The following CR2 variants were observed in gnomAD, a reference collection of about 807,000 sequenced individuals.
The protein encoded by CR2 is complement receptor type 2.
A neutral mutation model predicts 123.0 loss-of-function variants in CR2; 96 were observed. The ratio of observed to expected loss-of-function variants is 0.78; its 90% CI spans 0.66 to 0.93. CR2 has a LOEUF of 0.93. Ranked by LOEUF, CR2 falls within the 40% of genes least tolerant of loss-of-function variation. CR2 has a pLI of 0.00. For missense variants in CR2, 1,258 were observed against 1,361.0 expected (o/e 0.92, Z 1.19); for synonymous variants, 484 against 469.5 (o/e 1.03, Z -0.40).
chr1:207,480,158 A>G, intron 18 of CR2, 105 bp downstream of exon 18: 1 of 832,602 alleles, frequency 1.2e-6, no homozygotes, highest in Non-Finnish European at 2.1e-6. Flanking sequence ...TAAATACTGC[A>G]ATGTGATAAC....
chr1:207,474,353 T>C (rs750526427), intron 13 of CR2, 30 bp downstream of exon 13: 1 of 1,496,586 alleles, frequency 6.7e-7, no homozygotes, highest in Non-Finnish European at 9.3e-7. Flanking sequence ...AGCCTGACAA[T>C]GGTAATGGAG....
At position 207,473,030 on chromosome 1, in the gene CR2, G is replaced by A; in HGVS notation, c.1829G>A (p.Gly610Glu). ...VQCSHVHIAN[G>E]YKISGKEAPY... is the part of the protein sequence containing the mutation. Reference sequence around the variant, plus strand: ...TGCTCACATGTCCATATTGCAAATGGATACAAGATATCTGGCAAGGAAGCC... The same window carrying A: ...TGCTCACATGTCCATATTGCAAATGAATACAAGATATCTGGCAAGGAAGCC... Residue 610 changes from glycine (G) to glutamate (E), a missense_variant, in exon 10 of 20, where the codon GGA becomes GAA. Coordinates refer to ENST00000367057, the MANE Select transcript of CR2 (RefSeq NM_001006658.3). 1 of 1,613,968 alleles carries A rather than the reference G, an allele frequency of 6.2e-7. No individual in the cohort carries two copies. The highest frequency in any genetic ancestry group is 1.1e-5 in the South Asian group (1 of 91,084).
At chr1:207,474,793 T>A in intron 13 of CR2, 31 bp from the exon 14 acceptor site, 1 of 1,613,010 alleles carries the variant, frequency 6.2e-7, no homozygotes, top group Non-Finnish European at 8.5e-7. Context: ...AGGTACTAGC[T>A]GAAGTAGAAC....
intron 18 of CR2, among the ~76,000 whole-genome samples, chr1:207,483,643 T>C (rs887158954): frequency 6.6e-6 from 1 of 152,016 alleles, no homozygotes; most frequent in African/African-American, 2.4e-5. Context: ...TTCCAGGACT[T>C]GGTGACATGC....
Position 207,477,902 on chromosome 1 carries a change from C to T in CR2, c.2920C>T (p.Pro974Ser), listed in dbSNP as rs1292827746. The change falls in exon 16 of 20, where the codon CCA (proline) becomes TCA (serine). Residue 974 changes from proline (P) to serine (S), a missense_variant. Transcript: ENST00000367057. ...AATTTCAGAGGTAAACTGTAGCTCA[C>T]CAGCAGATATGGATGGAATCCAGAA... ...PHCKEVNCSS[P>S]ADMDGIQKGL... 6.2e-7 allele frequency: 1 copy of T among 1,613,836 alleles called. No individual in the cohort carries two copies. Among genetic ancestry groups the T allele is most frequent in the Non-Finnish European group, 8.5e-7 (1 of 1,179,936 alleles).
intron 1 of CR2, among the ~76,000 whole-genome samples, chr1:207,457,538 A>G (rs1362210436): frequency 6.6e-6 from 1 of 152,012 alleles, no homozygotes; most frequent in Non-Finnish European, 1.5e-5. Flanking sequence ...TACTTACTCA[A>G]ATTTCGTTAT....
intron 6 of CR2, 48 bp downstream of exon 6, chr1:207,470,150 A>G (rs1658227161): frequency 6.2e-7 from 1 of 1,608,558 alleles, no homozygotes; most frequent in Non-Finnish European, 8.5e-7. Context: ...CGTTTCTGAA[A>G]AATTAGAAGA....
intron 9 of CR2, chr1:207,471,798 A>G (rs1042564257): frequency 1.1e-5 from 4 of 376,048 alleles, no homozygotes; most frequent in Non-Finnish European, 2.0e-5. Flanking sequence ...TTTAGTGGAG[A>G]GAGTAAGGGA....
At position 207,478,060 on chromosome 1, in the gene CR2, T is replaced by C; in HGVS notation, c.3078T>C (p.Val1026=). The change falls in exon 16 of 20, where the codon GTT becomes GTC. Residue 1026 remains valine, a synonymous_variant. Transcript: ENST00000367057. ...ACCAATGGAACCCTCCCCTGGCGGT[T>C]TGCAGATCCCGTAAGTACCAAGGGC... ...SDHQWNPPLA[V]CRSRSLAPVL... 1 of 1,613,722 alleles carries C rather than the reference T, an allele frequency of 6.2e-7. No individual in the cohort carries two copies.
chr1:207,479,762 T>C (rs1658553027), intron 17 of CR2, among the ~76,000 whole-genome samples: 1 of 152,216 alleles, frequency 6.6e-6, no homozygotes, highest in Non-Finnish European at 1.5e-5. Context: ...CTTGTGGTCA[T>C]GTGCTTGGTG....
Position 207,489,628 on chromosome 1 carries a change from A to G in CR2, c.*505A>G, listed in dbSNP as rs371461127. On this transcript the variant is annotated 3_prime_UTR_variant, in exon 20 of 20. Transcript: ENST00000367057. ...GTAGCTTCCTCCTCTGGTGGTGTTAATCATTTCATTTTTACCCTTACTTGG... is the reference window on the plus strand; with the variant it reads ...GTAGCTTCCTCCTCTGGTGGTGTTAGTCATTTCATTTTTACCCTTACTTGG... 1 of 152,204 alleles carries G rather than the reference A, an allele frequency of 6.6e-6. No homozygotes were observed. Among genetic ancestry groups the G allele is most frequent in the African/African-American group, 2.4e-5 (1 of 41,440 alleles). 9.4% of individuals were successfully genotyped at this position (152,204 alleles called of 1,614,324 possible). A position where few individuals can be genotyped will look rare whatever the true frequency, so the allele number is the denominator to read the frequency against.
chr1:207,472,945 G>T lies in CR2; in HGVS notation c.1744G>T (p.Glu582Ter). The stretch of plus-strand genomic sequence containing the variant: ...CATCCGTTGTACAAGCAATGATCAA[G>T]AAAGAGGCACCTGGAGTGGCCCTGC... ...STIRCTSNDQ[E>*]RGTWSGPAPL... The change falls in exon 10 of 20, where the codon GAA becomes TAA. Residue 582 changes from glutamate to a stop codon, truncating the protein, a stop_gained. Coordinates refer to ENST00000367057, the MANE Select transcript of CR2 (RefSeq NM_001006658.3). LOFTEE classifies it high-confidence loss of function. The T allele has an allele frequency of 6.2e-7, 1 of 1,614,038 alleles. No homozygotes were observed. The highest frequency in any genetic ancestry group is 8.5e-7 in the Non-Finnish European group (1 of 1,179,946).
At chr1:207,479,862 G>A (rs1187240872) in intron 17 of CR2, 116 bp from the exon 18 acceptor site, 1 of 772,276 alleles carries the variant, frequency 1.3e-6, no homozygotes, top group Non-Finnish European at 2.3e-6. Context: ...TCCAAGAAGA[G>A]TTAAGTATGA....
chr1:207,460,054 T>C (rs1657928539), intron 1 of CR2, among the ~76,000 whole-genome samples: 1 of 152,216 alleles, frequency 6.6e-6, no homozygotes, highest in African/African-American at 2.4e-5. Flanking sequence ...GATTAAATCG[T>C]GTAAATTTAA....
At chr1:207,481,461 A>G (rs1658600471) in intron 18 of CR2, among the ~76,000 whole-genome samples, 1 of 152,090 alleles carries the variant, frequency 6.6e-6, no homozygotes, top group Non-Finnish European at 1.5e-5. Flanking sequence ...TTTTTCCGAG[A>G]TGTGTTCCCC....
At chr1:207,455,818 C>T (rs939097316) in intron 1 of CR2, among the ~76,000 whole-genome samples, 7 of 152,228 alleles carry the variant, frequency 4.6e-5, no homozygotes, top group Admixed American at 1.3e-4. Context: ...TTCAGGGCCA[C>T]AGCAGCAGCA....
chr1:207,472,955 C>A lies in CR2; in HGVS notation c.1754C>A (p.Thr585Asn). 12 of 1,614,032 alleles carry A rather than the reference C, an allele frequency of 7.4e-6. No homozygotes were observed. The highest frequency in any genetic ancestry group is 1.0e-5 in the Non-Finnish European group (12 of 1,179,948). Residue 585 changes from threonine to asparagine, a missense_variant, in exon 10 of 20, where the codon ACC (threonine) becomes AAC (asparagine). Transcript: ENST00000367057. ...RCTSNDQERGTWSGPAPLCKL... is the reference protein window; with the variant it reads ...RCTSNDQERGNWSGPAPLCKL... ...ACAAGCAATGATCAAGAAAGAGGCA[C>A]CTGGAGTGGCCCTGCTCCCCTGTGT...
chr1:207,474,143 C>A, intron 12 of CR2, 98 bp from the exon 13 acceptor site: 1 of 1,104,796 alleles, frequency 9.1e-7, no homozygotes, highest in Non-Finnish European at 1.4e-6. Context: ...TTCAACTCCT[C>A]TCTGCCAAAG....
chr1:207,468,583 G>A lies in CR2; in HGVS notation c.502G>A (p.Glu168Lys), dbSNP rs1275258424. ...PMIHNGHHTS[E>K]NVGSIAPGLS... Reference sequence around the variant, plus strand: ...GATCCACAATGGACATCACACAAGTGAGAATGTTGGCTCCATTGCTCCAGG... The same window carrying A: ...GATCCACAATGGACATCACACAAGTAAGAATGTTGGCTCCATTGCTCCAGG... Residue 168 changes from glutamate (E) to lysine (K), a missense_variant, in exon 3 of 20, where the codon GAG (glutamate) becomes AAG (lysine). Transcript: ENST00000367057. 1 of 1,614,028 alleles carries A rather than the reference G, an allele frequency of 6.2e-7. No homozygotes were observed. Among genetic ancestry groups the A allele is most frequent in the Non-Finnish European group, 8.5e-7 (1 of 1,179,960 alleles).
Sources: allele counts gnomAD v4.1 joint callset (sites outside exome capture counted in the v4.1 genomes callset), GRCh38; gene constraint gnomAD v4.1.1; transcripts MANE v1.5; gene names NCBI Gene and HGNC (gene_info 2026-07-23, HGNC 2026-07-21).